RBPMS: variants seen among roughly 807,000 people sequenced by gnomAD.
The protein encoded by RBPMS is RNA-binding protein with multiple splicing.
In RBPMS, 7 loss-of-function variants were observed where a neutral mutation model predicts 26.8. The ratio of observed to expected loss-of-function variants is 0.26; its 90% CI spans 0.15 to 0.49. The LOEUF (loss-of-function observed/expected upper bound fraction) is 0.49. RBPMS is among the 20% of genes least tolerant of loss of function. The probability of loss-of-function intolerance (pLI) is 0.98; values close to 1 mark genes in which losing one functional copy is unlikely to be tolerated. For missense variants in RBPMS, 186 were observed against 250.0 expected (o/e 0.74, Z 1.73); for synonymous variants, 96 against 93.3 (o/e 1.03, Z -0.17).
intron 1 of RBPMS, among the ~76,000 whole-genome samples, chr8:30,429,027 G>T (rs1811662038): frequency 1.3e-5 from 2 of 152,164 alleles, no homozygotes; most frequent in Non-Finnish European, 2.9e-5. Flanking sequence ...TGAGAAAAAA[G>T]ATGTCATTGA....
chr8:30,469,953 TCC>T (rs1216890277), intron 1 of RBPMS, among the ~76,000 whole-genome samples: 1 of 152,208 alleles, frequency 6.6e-6, no homozygotes, highest in Non-Finnish European at 1.5e-5. Context: ...GACAGTAAGC[TCC>T]CTGAAGGCAA....
intron 5 of RBPMS, among the ~76,000 whole-genome samples, chr8:30,511,213 G>T (rs906970992): frequency 2.6e-5 from 4 of 151,994 alleles, no homozygotes; most frequent in South Asian, 4.1e-4. Flanking sequence ...TACTCCGGAG[G>T]CTGAGGCAGA....
At chr8:30,431,703 C>T (rs1014827167) in intron 1 of RBPMS, among the ~76,000 whole-genome samples, 21 of 152,128 alleles carry the variant, frequency 1.4e-4, no homozygotes, top group Admixed American at 4.6e-4. Context: ...CGGCCTGCCT[C>T]GTCCTCCCAA....
rs907363962 is a variant in RBPMS at position 30,556,816 on chromosome 8, T to C, written c.529-2071T>C. ...GTGGGTAGGTATGAGTTCTTTCTTC[T>C]CCCCACCTCTGCCCTCCCTCTCCTC... On this transcript the variant is annotated intron_variant, in intron 6 of 8. Coordinates refer to ENST00000397323, the MANE Select transcript of RBPMS (RefSeq NM_001008710.3). 1.2e-5 allele frequency: 12 copies of C among 981,174 alleles called. No homozygotes were observed. In the African/African-American group the frequency reaches 2.1e-4, roughly 17 times the overall value. The allele number at this position is 981,174 out of a possible 1,614,324, so 60.8% of individuals were successfully genotyped here.
At chr8:30,418,720 A>G (rs1810385341) in intron 1 of RBPMS, among the ~76,000 whole-genome samples, 1 of 152,086 alleles carries the variant, frequency 6.6e-6, no homozygotes, top group South Asian at 2.1e-4. Context: ...CTGGGGCTAC[A>G]GGCATGTGCC....
At chr8:30,389,070 C>G (rs894746379) in intron 1 of RBPMS, among the ~76,000 whole-genome samples, 1 of 152,140 alleles carries the variant, frequency 6.6e-6, no homozygotes, top group Non-Finnish European at 1.5e-5. Context: ...GTGGCAACCT[C>G]AAATTTTCAT....
At chr8:30,526,600 A>G (rs1823618054) in intron 5 of RBPMS, among the ~76,000 whole-genome samples, 1 of 152,190 alleles carries the variant, frequency 6.6e-6, no homozygotes, top group Non-Finnish European at 1.5e-5. Context: ...GAGAAAAGCA[A>G]TTCTGAACGT....
At chr8:30,549,689 G>C in intron 6 of RBPMS, 1 of 796,320 alleles carries the variant, frequency 1.3e-6, no homozygotes, top group East Asian at 2.6e-5. Context: ...AGAGTGGGCT[G>C]GGTCTCCTTT....
intron 6 of RBPMS, among the ~76,000 whole-genome samples, chr8:30,550,421 T>G (rs1298958324): frequency 6.6e-6 from 1 of 152,202 alleles, no homozygotes; most frequent in Middle Eastern, 3.2e-3. Flanking sequence ...GCTTCATGTT[T>G]GCTTTAAAGG....
At chr8:30,508,464 C>T (rs914646705) in intron 5 of RBPMS, among the ~76,000 whole-genome samples, 5 of 152,102 alleles carry the variant, frequency 3.3e-5, no homozygotes, top group Admixed American at 1.3e-4. Context: ...AGCTACACAG[C>T]GGCAATAATT....
At chr8:30,438,091 A>G (rs1298926533) in intron 1 of RBPMS, among the ~76,000 whole-genome samples, 2 of 152,188 alleles carry the variant, frequency 1.3e-5, no homozygotes, top group East Asian at 3.8e-4. Context: ...CCTCTGATAA[A>G]TAACCTGGTA....
chr8:30,545,404 CCT>C (rs1218111604), intron 6 of RBPMS: 12 of 1,056,944 alleles, frequency 1.1e-5, no homozygotes, highest in Middle Eastern at 4.5e-4. Flanking sequence ...TAAAGATTCA[CCT>C]CTGGAGATCA....
chr8:30,536,119 CA>C (rs1410194049), intron 5 of RBPMS, among the ~76,000 whole-genome samples: 4 of 148,684 alleles, frequency 2.7e-5, no homozygotes, highest in Admixed American at 6.7e-5. Context: ...AATAAGAGAT[CA>C]TCTCTCTCTT....
chr8:30,450,158 T>G (rs1412083239), intron 1 of RBPMS, among the ~76,000 whole-genome samples: 1 of 152,234 alleles, frequency 6.6e-6, no homozygotes, highest in Non-Finnish European at 1.5e-5. Flanking sequence ...TGGATTAAAA[T>G]TATAGATTGC....
intron 5 of RBPMS, among the ~76,000 whole-genome samples, chr8:30,530,407 G>A (rs1037148009): frequency 2.0e-5 from 3 of 152,222 alleles, no homozygotes; most frequent in African/African-American, 4.8e-5. Flanking sequence ...CCACTATCCA[G>A]ACAGGTAATC....
intron 1 of RBPMS, among the ~76,000 whole-genome samples, chr8:30,408,515 C>T (rs1241552637): frequency 1.3e-5 from 2 of 152,102 alleles, no homozygotes; most frequent in Non-Finnish European, 1.5e-5. Flanking sequence ...GGCAACAGAA[C>T]GAGACTGTCT....
intron 5 of RBPMS, among the ~76,000 whole-genome samples, chr8:30,533,326 ACAG>A (rs1381892965): frequency 2.0e-5 from 3 of 152,346 alleles, no homozygotes; most frequent in Admixed American, 2.0e-4. Flanking sequence ...CTCTCAGGCA[ACAG>A]CAGATGTTTC....
intron 5 of RBPMS, among the ~76,000 whole-genome samples, chr8:30,512,353 G>A (rs1821807771): frequency 6.6e-6 from 1 of 151,770 alleles, no homozygotes; most frequent in Non-Finnish European, 1.5e-5. Flanking sequence ...CAGGTTTTTT[G>A]GTTGGATTTA....
At chr8:30,534,549 C>T (rs942671154) in intron 5 of RBPMS, among the ~76,000 whole-genome samples, 1 of 152,122 alleles carries the variant, frequency 6.6e-6, no homozygotes, top group Non-Finnish European at 1.5e-5. Flanking sequence ...ACCAGAAGAA[C>T]GGGGGTGGTG....
Sources: gnomAD v4.1 joint callset for allele counts (sites outside exome capture counted in the v4.1 genomes callset) on GRCh38, gnomAD v4.1.1 for gene constraint, MANE v1.5 for transcripts, NCBI Gene and HGNC (gene_info 2026-07-23, HGNC 2026-07-21) for gene names.